The following SLC1A6 variants were observed in gnomAD, a reference collection of about 807,000 sequenced individuals.
SLC1A6 encodes solute carrier family 1 member 6, also known as excitatory amino acid transporter 4.
A neutral mutation model predicts 42.1 loss-of-function variants in SLC1A6; 15 were observed. That is an observed-to-expected ratio of 0.36 (90% CI 0.24 to 0.55). The LOEUF (loss-of-function observed/expected upper bound fraction) is 0.55, where lower values mean the gene tolerates loss of function less well. SLC1A6 is among the 20% of genes least tolerant of loss of function. The pLI, the probability that SLC1A6 is intolerant of heterozygous loss-of-function variation, is 0.88. For missense variants in SLC1A6, 542 were observed against 772.5 expected (o/e 0.70, Z 3.54); for synonymous variants, 317 against 319.7 (o/e 0.99, Z 0.09).
intron 1 of SLC1A6, among the ~76,000 whole-genome samples, chr19:14,976,085 T>C (rs7250612): frequency 0.72 from 109,449 of 151,954 alleles, 39,711 homozygotes; most frequent in African/African-American, 0.81. Flanking sequence ...CCCTCTCCCA[T>C]GGGCTCCCTT....
At chr19:15,007,056 T>G (rs761113825) in intron 1 of SLC1A6, among the ~76,000 whole-genome samples, 1 of 152,204 alleles carries the variant, frequency 6.6e-6, no homozygotes, top group African/African-American at 2.4e-5. Flanking sequence ...CTATCTGTGC[T>G]GGGTGCTCGG....
intron 1 of SLC1A6, among the ~76,000 whole-genome samples, chr19:14,994,165 G>A (rs2045833971): frequency 6.6e-6 from 1 of 152,088 alleles, no homozygotes; most frequent in South Asian, 2.1e-4. Flanking sequence ...CTGTGTCCAG[G>A]TTCATGGATC....
rs372475424 is a variant in SLC1A6 at position 15,010,364 on chromosome 19, T to C, written c.6+121A>G. On this transcript the variant is annotated intron_variant, in intron 1 of 8. Coordinates refer to the SLC1A6 transcript ENST00000430939. ...GTATTCTACCTGTGGGAACAGCAAG[T>C]CCCAAGCTTCCAAGTGTGAAGGCGC... The C allele has an allele frequency of 4.5e-5, 16 of 358,808 alleles. No homozygotes were observed. In the East Asian group the frequency reaches 9.8e-4, roughly 22 times the overall value. 22.2% of individuals were successfully genotyped at this position (358,808 alleles called of 1,614,324 possible). A position where few individuals can be genotyped will look rare whatever the true frequency, so the allele number is the denominator to read the frequency against.
intron 1 of SLC1A6, 137 bp from the exon 2 acceptor site, chr19:14,973,054 C>G (rs2045663535): frequency 1.5e-6 from 1 of 659,890 alleles, no homozygotes; most frequent in Non-Finnish European, 2.6e-6. Context: ...TGTTTTGGCT[C>G]ACGCCTGTAA....
upstream of SLC1A6, among the ~76,000 whole-genome samples, chr19:14,983,978 G>A (rs558367323): frequency 5.6e-4 from 86 of 152,226 alleles, no homozygotes; most frequent in African/African-American, 1.4e-3. Context: ...CTTCCCCCTG[G>A]AAGCAGTGAT....
chr19:15,001,052 G>A (rs1482753711), intron 1 of SLC1A6, among the ~76,000 whole-genome samples: 1 of 152,246 alleles, frequency 6.6e-6, no homozygotes, highest in East Asian at 1.9e-4. Flanking sequence ...AGAAGCAGAA[G>A]AAAGTCCTTG....
intron 8 of SLC1A6, 150 bp from the exon 9 acceptor site, chr19:14,953,212 T>C: frequency 1.6e-6 from 1 of 623,880 alleles, no homozygotes; most frequent in African/African-American, 1.9e-5. Context: ...AAAATACTGC[T>C]TGATGCCTCG....
chr19:14,993,012 G>A (rs1195894361), intron 1 of SLC1A6, among the ~76,000 whole-genome samples: 2 of 152,110 alleles, frequency 1.3e-5, no homozygotes, highest in South Asian at 2.1e-4. Flanking sequence ...CTTCCCCACC[G>A]TTCCCAGGGC....
chr19:14,964,391 G>T, intron 4 of SLC1A6, 30 bp from the exon 5 acceptor site: 1 of 1,605,360 alleles, frequency 6.2e-7, no homozygotes, highest in Non-Finnish European at 8.5e-7. Context: ...GAAGGAAAGT[G>T]GTTAGACCAT....
intron 1 of SLC1A6, among the ~76,000 whole-genome samples, chr19:14,988,364 A>C (rs1187247666): frequency 6.6e-6 from 1 of 152,230 alleles, no homozygotes; most frequent in East Asian, 1.9e-4. Flanking sequence ...TGAGGCTAGA[A>C]AAGGAGCTGG....
At chr19:14,994,490 A>G (rs995961817) in intron 1 of SLC1A6, among the ~76,000 whole-genome samples, 2 of 151,878 alleles carry the variant, frequency 1.3e-5, no homozygotes, top group African/African-American at 4.8e-5. Context: ...ACCCCCTACC[A>G]CACCTTGACC....
At chr19:14,954,054 T>G in intron 8 of SLC1A6, 81 bp downstream of exon 8, 3 of 978,302 alleles carry the variant, frequency 3.1e-6, no homozygotes, top group Non-Finnish European at 3.1e-6. Flanking sequence ...TGAGGCCCCC[T>G]CCTCCCTCCC....
chr19:14,991,076 A>T (rs781759229), intron 1 of SLC1A6, among the ~76,000 whole-genome samples: 18 of 152,190 alleles, frequency 1.2e-4, no homozygotes, highest in Non-Finnish European at 2.2e-4. Flanking sequence ...AACACACCTT[A>T]AAAAACATAA....
intron 1 of SLC1A6, among the ~76,000 whole-genome samples, chr19:15,001,801 A>G (rs1220398287): frequency 2.6e-5 from 4 of 151,994 alleles, no homozygotes; most frequent in African/African-American, 4.8e-5. Context: ...AGCTGGAACC[A>G]CAGGCACACA....
chr19:14,988,060 C>G (rs758658027), intron 1 of SLC1A6, among the ~76,000 whole-genome samples: 1 of 152,128 alleles, frequency 6.6e-6, no homozygotes, highest in Non-Finnish European at 1.5e-5. Context: ...GTAATCCCAA[C>G]TACTCAGGAG....
upstream of SLC1A6, among the ~76,000 whole-genome samples, chr19:14,982,359 G>A (rs2045772420): frequency 1.3e-5 from 2 of 151,972 alleles, no homozygotes; most frequent in African/African-American, 2.4e-5. Context: ...GTGAAACCCC[G>A]TATCTACTAA....
In SLC1A6 at chr19:14,971,894, T is replaced by C. The variant is rs2045644530; in HGVS notation, c.206-20A>G. On this transcript the variant is annotated intron_variant, in intron 2 of 9. Coordinates refer to ENST00000594383, the MANE Select transcript of SLC1A6 (RefSeq NM_005071.3). Reference sequence around the variant, plus strand: ...TGACCCCTAGGGCCAAAAGAAGGGGTCCATGGACTGAAGTCTGGGTCGCTC... The same window carrying C: ...TGACCCCTAGGGCCAAAAGAAGGGGCCCATGGACTGAAGTCTGGGTCGCTC... 1 of 1,613,282 alleles carries C rather than the reference T, an allele frequency of 6.2e-7. No individual in the cohort carries two copies. The highest frequency in any genetic ancestry group is 1.7e-5 in the Admixed American group (1 of 59,946).
chr19:14,980,994 T>A (rs2045763950), upstream of SLC1A6, among the ~76,000 whole-genome samples: 1 of 152,034 alleles, frequency 6.6e-6, no homozygotes. Context: ...TGGAGAGGTT[T>A]TAAAAATTCT....
At chr19:15,001,552 T>C (rs990439981) in intron 1 of SLC1A6, among the ~76,000 whole-genome samples, 11 of 152,278 alleles carry the variant, frequency 7.2e-5, no homozygotes, top group African/African-American at 2.6e-4. Flanking sequence ...TGGGGCCAGA[T>C]GGTAAGAAAT....
Sources: allele counts gnomAD v4.1 joint callset (sites outside exome capture counted in the v4.1 genomes callset), GRCh38; gene constraint gnomAD v4.1.1; transcripts MANE v1.5; gene names NCBI Gene and HGNC (gene_info 2026-07-23, HGNC 2026-07-21).